LINGO2: variants seen among roughly 807,000 people sequenced by gnomAD.
LINGO2 encodes the protein leucine rich repeat and Ig domain containing 2, also known as leucine-rich repeat and immunoglobulin-like domain-containing nogo receptor-interacting protein 2.
LINGO2 carries 14 observed loss-of-function variants against 30.6 expected under a neutral mutation model. The ratio of observed to expected loss-of-function variants is 0.46; its 90% confidence interval spans 0.30 to 0.72. LINGO2 has a LOEUF of 0.72. LINGO2 is among the 30% of genes least tolerant of loss of function. The pLI is 0.07. For synonymous variants in LINGO2, 317 were observed against 288.5 expected (o/e 1.10, Z -1.00); for missense variants, 729 against 751.7 (o/e 0.97, Z 0.35).
chr9:29,140,562 T>C, the LINGO2 span, among the ~76,000 whole-genome samples: 1 of 151,822 alleles, frequency 6.6e-6, no homozygotes, highest in African/African-American at 2.4e-5. Context: ...CAAATGTATA[T>C]ATTATGGAAG....
At chr9:28,849,064 T>A in the LINGO2 span, among the ~76,000 whole-genome samples, 1 of 151,978 alleles carries the variant, frequency 6.6e-6, no homozygotes, top group African/African-American at 2.4e-5. Context: ...ATGGAAAACA[T>A]ATTTAGGGAA....
intron 5 of LINGO2, among the ~76,000 whole-genome samples, chr9:27,971,243 T>G (rs1035512260): frequency 6.6e-6 from 1 of 151,994 alleles, no homozygotes; most frequent in African/African-American, 2.4e-5. Flanking sequence ...GTTTCCATCT[T>G]TCCTTCTATT....
At chr9:28,138,734 C>A (rs1277605330) in intron 4 of LINGO2, among the ~76,000 whole-genome samples, 1 of 152,170 alleles carries the variant, frequency 6.6e-6, no homozygotes, top group African/African-American at 2.4e-5. Context: ...AGCACATAAA[C>A]TGTTATAATA....
At chr9:29,195,582 CT>C in the LINGO2 span, among the ~76,000 whole-genome samples, 3 of 151,932 alleles carry the variant, frequency 2.0e-5, no homozygotes, top group Non-Finnish European at 4.4e-5. Context: ...TTATGTTTCC[CT>C]TTTCTCCACA....
At chr9:28,963,671 C>T in the LINGO2 span, among the ~76,000 whole-genome samples, 1 of 151,038 alleles carries the variant, frequency 6.6e-6, no homozygotes, top group Non-Finnish European at 1.5e-5. Context: ...GTGAAATAAG[C>T]CAGGTGCAGA....
In LINGO2 at chr9:28,663,506, T is replaced by C. The variant is rs116779699; in HGVS notation, c.-365+6694A>G. 9.2e-3 allele frequency among the ~76,000 whole-genome samples: 1,406 copies of C among 152,242 alleles called. 20 individuals carry two copies. The highest frequency in any genetic ancestry group is 0.033 in the African/African-American group (1,354 of 41,536). ...TTCTGATTAGATATCCTGCATGCCC[T>C]GTGAGAATGGCATGCAACAAAGGCA... On this transcript the variant is annotated intron_variant, in intron 1 of 5. Coordinates refer to ENST00000379992, the Ensembl canonical transcript of LINGO2.
intron 2 of LINGO2, among the ~76,000 whole-genome samples, chr9:28,399,691 AG>A (rs1427376819): frequency 6.6e-6 from 1 of 152,184 alleles, no homozygotes; most frequent in Non-Finnish European, 1.5e-5. Flanking sequence ...TGATCAGGGA[AG>A]GATTCTGGTT....
chr9:29,152,126 A>C, the LINGO2 span, among the ~76,000 whole-genome samples: 1 of 152,126 alleles, frequency 6.6e-6, no homozygotes, highest in Admixed American at 6.6e-5. Context: ...ACCATCTCAC[A>C]CTGGTCAGAA....
At position 28,355,261 on chromosome 9, in the gene LINGO2, GTCTC is replaced by G. The variant is rs113486172; in HGVS notation, c.-246+17571_-246+17574del. The stretch of plus-strand genomic sequence containing the variant: ...TCTCTCTGTCTCTCTCTCTGTCTCT[GTCTC>G]TCTCTCTGTCTCTGTCTCTCTCTCT... On this transcript the variant is annotated intron_variant, in intron 3 of 5. Transcript: ENST00000379992. 1.3e-4 allele frequency among the ~76,000 whole-genome samples: 18 copies of G among 136,914 alleles called. No homozygotes were observed. In the East Asian group the frequency reaches 4.0e-3, roughly 31 times the overall value. 89.8% of individuals were successfully genotyped at this position (136,914 alleles called of 152,430 possible). A position where few individuals can be genotyped will look rare whatever the true frequency, so the allele number is the denominator to read the frequency against.
intron 4 of LINGO2, among the ~76,000 whole-genome samples, chr9:28,238,388 T>C (rs1821657344): frequency 6.6e-6 from 1 of 152,174 alleles, no homozygotes; most frequent in Non-Finnish European, 1.5e-5. Context: ...ATAGACCATA[T>C]GTTAGGTCAC....
At chr9:29,111,929 G>GCT in the LINGO2 span, among the ~76,000 whole-genome samples, 1 of 149,810 alleles carries the variant, frequency 6.7e-6, no homozygotes, top group African/African-American at 2.4e-5. Context: ...ATATATGTGT[G>GCT]TATATATAAT....
the LINGO2 span, among the ~76,000 whole-genome samples, chr9:28,799,652 G>A: frequency 3.3e-5 from 5 of 152,118 alleles, no homozygotes; most frequent in African/African-American, 9.7e-5. Flanking sequence ...TGAGTTCCTC[G>A]TGGTAATTGA....
At chr9:28,561,776 T>A (rs1563826604) in intron 1 of LINGO2, among the ~76,000 whole-genome samples, 1 of 115,630 alleles carries the variant, frequency 8.6e-6, no homozygotes, top group African/African-American at 4.2e-5. Context: ...TATATATATA[T>A]ATATAAAAAA....
At chr9:28,460,593 G>A (rs535396430) in intron 2 of LINGO2, among the ~76,000 whole-genome samples, 1 of 152,244 alleles carries the variant, frequency 6.6e-6, no homozygotes, top group Admixed American at 6.5e-5. Context: ...CATAGTAATG[G>A]AGAAATGGGG....
chr9:28,594,631 T>A (rs1439397596), intron 1 of LINGO2, among the ~76,000 whole-genome samples: 1 of 152,118 alleles, frequency 6.6e-6, no homozygotes, highest in Non-Finnish European at 1.5e-5. Context: ...TAAGGCGCAC[T>A]ATTTCACAAT....
At chr9:28,111,286 TG>T (rs1450922236) in intron 4 of LINGO2, among the ~76,000 whole-genome samples, 1 of 150,016 alleles carries the variant, frequency 6.7e-6, no homozygotes, top group Non-Finnish European at 1.5e-5. Context: ...ACCTAACACA[TG>T]TGGGGCCTAA....
chr9:28,507,192 A>T (rs7848314), intron 1 of LINGO2, among the ~76,000 whole-genome samples: 72,077 of 150,828 alleles, frequency 0.48, 17,641 homozygotes, highest in African/African-American at 0.58. Context: ...TCAGAAATAG[A>T]CCTTACTGCA....
the LINGO2 span, among the ~76,000 whole-genome samples, chr9:29,051,542 G>C: frequency 4.6e-5 from 7 of 152,092 alleles, no homozygotes; most frequent in African/African-American, 9.7e-5. Context: ...AAAACCTACA[G>C]TTCTAAATCC....
intron 4 of LINGO2, among the ~76,000 whole-genome samples, chr9:28,251,017 G>A (rs999005995): frequency 2.0e-5 from 3 of 151,860 alleles, no homozygotes; most frequent in African/African-American, 7.3e-5. Context: ...ATCACAAGGT[G>A]TTCTCCCCTT....
Sources: gnomAD v4.1 joint callset for allele counts (sites outside exome capture counted in the v4.1 genomes callset) on GRCh38, gnomAD v4.1.1 for gene constraint, MANE v1.5 for transcripts, NCBI Gene and HGNC (gene_info 2026-07-23, HGNC 2026-07-21) for gene names.